TSPAN11: variants seen among roughly 807,000 people sequenced by gnomAD.
The protein encoded by TSPAN11 is tetraspanin-11.
TSPAN11 carries 29 observed loss-of-function variants against 32.9 expected under a neutral mutation model. The observed-to-expected ratio is 0.88, with a 90% CI of 0.66 to 1.20. The LOEUF is 1.20. TSPAN11 is among the 50% of genes most tolerant of loss of function. The pLI is 0.00. For synonymous variants in TSPAN11, 140 were observed against 141.3 expected, an observed-to-expected ratio of 0.99 and a Z score of 0.07; for missense variants, 283 against 329.1, an observed-to-expected ratio of 0.86 and a Z score of 1.08.
At chr12:30,951,068 G>A (rs1404703772) in intron 1 of TSPAN11, among the ~76,000 whole-genome samples, 1 of 152,308 alleles carries the variant, frequency 6.6e-6, no homozygotes, top group East Asian at 1.9e-4. Context: ...AATAGAACAT[G>A]TCAGTAAGGA....
rs200929072 is a variant in TSPAN11 at position 30,982,646 on chromosome 12, C to A, written c.571C>A (p.Arg191Ser). The part of the protein sequence containing the change: ...PDSCCKTVVV[R>S]CGQRAHPSNI... Reference sequence around the variant, plus strand: ...CAGCTGCTGCAAGACAGTGGTGGTGCGCTGCGGCCAGCGGGCCCACCCCTC... The same window carrying A: ...CAGCTGCTGCAAGACAGTGGTGGTGAGCTGCGGCCAGCGGGCCCACCCCTC... The change falls in exon 6 of 8, where the codon CGC (arginine) becomes AGC (serine). Residue 191 changes from arginine to serine, a missense_variant. Arg to Ser is a moderately radical substitution (Grantham distance 110). Transcript: ENST00000546076. The A allele has an allele frequency of 6.2e-7, 1 of 1,607,630 alleles. No individual in the cohort carries two copies. Among genetic ancestry groups the A allele is most frequent in the Non-Finnish European group, 8.5e-7 (1 of 1,177,094 alleles).
intron 7 of TSPAN11, among the ~76,000 whole-genome samples, chr12:30,983,788 T>C (rs889650180): frequency 6.6e-6 from 1 of 152,130 alleles, no homozygotes; most frequent in African/African-American, 2.4e-5. Flanking sequence ...CTGTATGAGG[T>C]AGTATAAGTA....
rs944605863 is a variant in TSPAN11 at position 30,993,359 on chromosome 12, C to G, written c.*1444C>G. 2.0e-5 allele frequency: 3 copies of G among 152,398 alleles called. No individual in the cohort carries two copies. Among genetic ancestry groups the G allele is most frequent in the African/African-American group, 7.2e-5 (3 of 41,448 alleles). The allele number at this position is 152,398 out of a possible 1,614,324, so 9.4% of individuals were successfully genotyped here. The stretch of plus-strand genomic sequence containing the variant: ...AGGCCAGTCCTGGGGCAGGCGTGCT[C>G]TCTCTCCCATACATAGGAGTGGCCT... On this transcript the variant is annotated 3_prime_UTR_variant, in exon 8 of 8. Coordinates refer to ENST00000546076, the MANE Select transcript of TSPAN11 (RefSeq NM_001370302.1).
intron 3 of TSPAN11, chr12:30,978,323 G>A: frequency 3.9e-6 from 2 of 518,130 alleles, no homozygotes; most frequent in Non-Finnish European, 6.9e-6. Context: ...CATATGGCAT[G>A]TATTTAATAC....
chr12:30,966,139 G>C (rs1329628253), intron 3 of TSPAN11, among the ~76,000 whole-genome samples: 1 of 152,028 alleles, frequency 6.6e-6, no homozygotes, highest in African/African-American at 2.4e-5. Context: ...ACAGGAGGTG[G>C]GGGTCACACG....
chr12:30,936,507 G>A (rs1938047644), intron 1 of TSPAN11, among the ~76,000 whole-genome samples: 1 of 152,220 alleles, frequency 6.6e-6, no homozygotes. Flanking sequence ...AATGATAAAT[G>A]AGGAGGGCAG....
intron 7 of TSPAN11, among the ~76,000 whole-genome samples, chr12:30,984,178 G>A (rs1360475184): frequency 6.6e-6 from 1 of 152,208 alleles, no homozygotes; most frequent in East Asian, 1.9e-4. Flanking sequence ...GAGTCTTGCT[G>A]TCCTGCACAG....
intron 7 of TSPAN11, among the ~76,000 whole-genome samples, chr12:30,984,552 CTTTT>C (rs55772956): frequency 5.5e-4 from 38 of 68,576 alleles, no homozygotes; most frequent in African/African-American, 1.1e-3. Flanking sequence ...TCGCTTTTTG[CTTTT>C]TTTTTTTTTT....
At chr12:31,003,455 G>A in the TSPAN11 span, among the ~76,000 whole-genome samples, 1 of 152,216 alleles carries the variant, frequency 6.6e-6, no homozygotes, top group Admixed American at 6.5e-5. Flanking sequence ...GGGGGTGGCT[G>A]GGGGAGCAGA....
chr12:30,983,046 C>T lies in TSPAN11; in HGVS notation c.616-18C>T. ...CTGCTCCTGGGCCATGGCCGCATCA[C>T]CTGCCCTTCTCTTACAGGGAGGCTG... On this transcript the variant is annotated intron_variant, in intron 6 of 7. Transcript: ENST00000546076. The T allele has an allele frequency of 6.2e-7, 1 of 1,610,220 alleles. No homozygotes were observed. The highest frequency in any genetic ancestry group is 1.3e-5 in the African/African-American group (1 of 75,012).
At chr12:30,950,498 C>A (rs1243714266) in intron 1 of TSPAN11, among the ~76,000 whole-genome samples, 1 of 152,236 alleles carries the variant, frequency 6.6e-6, no homozygotes, top group Non-Finnish European at 1.5e-5. Flanking sequence ...TGTGTGAGAC[C>A]TGCTGTGCCT....
chr12:30,943,394 G>A (rs1480952227), intron 1 of TSPAN11, among the ~76,000 whole-genome samples: 1 of 152,176 alleles, frequency 6.6e-6, no homozygotes, highest in Non-Finnish European at 1.5e-5. Context: ...CTATAAAAAG[G>A]GATGATGATT....
rs555933609 is a variant in TSPAN11 at position 30,968,842 on chromosome 12, A to G, written c.276+4825A>G. Among the ~76,000 whole-genome samples the G allele has an allele frequency of 1.5e-4, 23 of 152,346 alleles. No homozygotes were observed. The South Asian group carries it at 4.8e-3, about 32-fold the overall frequency. The stretch of plus-strand genomic sequence containing the variant: ...CCAAGACGTGGTCAACCAGGGCACT[A>G]AAGTCCACAATCAAAGGTGAAAATA... On this transcript the variant is annotated intron_variant, in intron 3 of 7. Coordinates refer to ENST00000546076, the MANE Select transcript of TSPAN11 (RefSeq NM_001370302.1).
chr12:31,016,111 TA>T, the TSPAN11 span, among the ~76,000 whole-genome samples: 2 of 152,202 alleles, frequency 1.3e-5, no homozygotes, highest in Admixed American at 1.3e-4. Context: ...ACCACGTCTC[TA>T]AAAAAGTTTT....
At chr12:31,015,278 T>G in the TSPAN11 span, among the ~76,000 whole-genome samples, 4 of 152,212 alleles carry the variant, frequency 2.6e-5, no homozygotes, top group Non-Finnish European at 4.4e-5. The surrounding 1 kb of genome is among the most constrained non-coding windows in gnomAD (Gnocchi z 4.9). Context: ...ACCGTACCCC[T>G]GTCTCATAAG....
the TSPAN11 span, among the ~76,000 whole-genome samples, chr12:31,016,008 G>A: frequency 3.0e-4 from 45 of 152,220 alleles, no homozygotes; most frequent in Non-Finnish European, 5.3e-4. Context: ...GTTCCTACCT[G>A]CCTTTAAAAA....
chr12:31,005,284 T>A, the TSPAN11 span, among the ~76,000 whole-genome samples: 108 of 152,200 alleles, frequency 7.1e-4, no homozygotes, highest in Non-Finnish European at 1.4e-3. Flanking sequence ...CTGTAAGGTA[T>A]AAAAAGCCTG....
rs115059987 is a variant in TSPAN11, at chr12:30,979,967, C to T, written c.456+297C>T. ...TCTGGGGCCTCTGTGGCCAGGAAGC[C>T]GGCTGTGCCAGGAGAACTCCATCTC... On this transcript the variant is annotated intron_variant, in intron 5 of 7. Coordinates refer to ENST00000546076, the MANE Select transcript of TSPAN11 (RefSeq NM_001370302.1). Among the ~76,000 whole-genome samples, 1,107 of 152,302 alleles carry T rather than the reference C, an allele frequency of 7.3e-3. 16 individuals carry two copies. The highest frequency in any genetic ancestry group is 0.025 in the African/African-American group (1,020 of 41,556).
At chr12:30,950,068 G>A (rs113998974) in intron 1 of TSPAN11, among the ~76,000 whole-genome samples, 1 of 152,046 alleles carries the variant, frequency 6.6e-6, no homozygotes, top group Admixed American at 6.6e-5. Flanking sequence ...TCTCTATGCT[G>A]TTCAGGCATC....
Sources: allele counts gnomAD v4.1 joint callset (sites outside exome capture counted in the v4.1 genomes callset), GRCh38; gene constraint gnomAD v4.1.1; non-coding constraint Gnocchi (gnomAD v3.1); transcripts MANE v1.5; gene names NCBI Gene and HGNC (gene_info 2026-07-23, HGNC 2026-07-21).